PPP5C: variants seen among roughly 807,000 people sequenced by gnomAD.
The protein encoded by PPP5C is serine/threonine-protein phosphatase 5.
In PPP5C, 21 loss-of-function variants were observed where a neutral mutation model predicts 66.7. The ratio of observed to expected loss-of-function variants is 0.31; its 90% CI spans 0.22 to 0.45. The LOEUF is 0.45. Ranked by LOEUF, PPP5C falls within the 20% of genes least tolerant of loss-of-function variation. The pLI is 1.00. For missense variants in PPP5C, 464 were observed against 675.9 expected, an observed-to-expected ratio of 0.69 and a Z score of 3.48; for synonymous variants, 246 against 257.4, an observed-to-expected ratio of 0.96 and a Z score of 0.43.
chr19:46,358,919 T>G (rs1972333925), intron 2 of PPP5C, among the ~76,000 whole-genome samples: 1 of 152,192 alleles, frequency 6.6e-6, no homozygotes, highest in Admixed American at 6.5e-5. Context: ...GGGGATGAGT[T>G]TTTCTCAAGA....
chr19:46,347,135 G>GCCCCCCCGGGACGAA lies in PPP5C; in HGVS notation c.45_59dup (p.Arg16_Pro20dup), dbSNP rs1555791666. 6.9e-6 allele frequency: 11 copies of GCCCCCCCGGGACGAA among 1,604,700 alleles called. No individual in the cohort carries two copies. Among genetic ancestry groups the GCCCCCCCGGGACGAA allele is most frequent in the South Asian group, 2.2e-5 (2 of 89,596 alleles). The stretch of plus-strand genomic sequence containing the variant: ...AGGGCGAGAGGACTGAGTGTGCTGA[G>GCCCCCCCGGGACGAA]CCCCCCCGGGACGAACCCCCGGCTG... On this transcript the variant is annotated inframe_insertion, in exon 1 of 13. Transcript: ENST00000012443.
chr19:46,355,029 G>A (rs1316038617), intron 2 of PPP5C, among the ~76,000 whole-genome samples: 3 of 152,224 alleles, frequency 2.0e-5, no homozygotes, highest in South Asian at 2.1e-4. Flanking sequence ...ACCCTGGGAC[G>A]TGGGAACTGG....
rs1818028356 is a variant in PPP5C, at chr19:46,383,102, T to C, written c.634-309T>C. On this transcript the variant is annotated intron_variant, in intron 4 of 12. Transcript: ENST00000012443. The surrounding 1 kb of genome is among the most constrained non-coding windows in gnomAD (Gnocchi z 5.0). ...CGCTGTGTCCAGGCCAGTTCTTTTA[T>C]AAAATGTTCTACGATCTGGATTCAT... 1.6e-6 allele frequency: 2 copies of C among 1,239,338 alleles called. No individual in the cohort carries two copies. Among genetic ancestry groups the C allele is most frequent in the Non-Finnish European group, 2.1e-6 (2 of 960,238 alleles). The allele number at this position is 1,239,338 out of a possible 1,614,324, so 76.8% of individuals were successfully genotyped here.
chr19:46,370,352 G>A (rs758573523), intron 2 of PPP5C, among the ~76,000 whole-genome samples: 2 of 151,986 alleles, frequency 1.3e-5, no homozygotes, highest in African/African-American at 2.4e-5. Flanking sequence ...AGACACAAAC[G>A]CAGACATTAG....
chr19:46,358,907 C>T (rs961143062), intron 2 of PPP5C, among the ~76,000 whole-genome samples: 22 of 152,076 alleles, frequency 1.4e-4, no homozygotes, highest in Non-Finnish European at 2.8e-4. Flanking sequence ...TCAGTGGCTT[C>T]GGGGGATGAG....
intron 2 of PPP5C, among the ~76,000 whole-genome samples, chr19:46,372,244 C>T (rs924351154): frequency 1.3e-5 from 2 of 151,990 alleles, no homozygotes; most frequent in African/African-American, 4.8e-5. Context: ...CACTGTGTTA[C>T]CCAGGCTGGA....
intron 2 of PPP5C, among the ~76,000 whole-genome samples, chr19:46,366,188 C>T (rs544187742): frequency 5.5e-4 from 84 of 152,164 alleles, no homozygotes; most frequent in Middle Eastern, 3.4e-3. Context: ...AGCTCTGAAC[C>T]CTGCTCACAG....
At chr19:46,385,117 T>C (rs1972859917) in intron 7 of PPP5C, among the ~76,000 whole-genome samples, 1 of 152,194 alleles carries the variant, frequency 6.6e-6, no homozygotes, top group Admixed American at 6.5e-5. Context: ...GAAATGGATG[T>C]TTACTCTGAC....
chr19:46,383,238 G>GCCTCCGGCC lies in PPP5C; in HGVS notation c.634-170_634-162dup. On this transcript the variant is annotated intron_variant, in intron 4 of 12. Transcript: ENST00000012443. The surrounding 1 kb of genome is among the most constrained non-coding windows in gnomAD (Gnocchi z 5.0). ...GCACAGGCCACAGAAGCCTGCGGCTGCCTCCGGCCCCGCCTGCTCCCGCTC... is the reference window on the plus strand; with the variant it reads ...GCACAGGCCACAGAAGCCTGCGGCTGCCTCCGGCCCCTCCGGCCCCGCCTGCTCCCGCTC... 1 of 1,540,232 alleles carries GCCTCCGGCC rather than the reference G, an allele frequency of 6.5e-7. No homozygotes were observed. The highest frequency in any genetic ancestry group is 2.5e-5 in the East Asian group (1 of 40,776).
At position 46,388,264 on chromosome 19, in the gene PPP5C, C is replaced by T. The variant is rs941181343; in HGVS notation, c.1136-144C>T. On this transcript the variant is annotated intron_variant, in intron 9 of 12. Transcript: ENST00000012443. The surrounding 1 kb of genome is among the most constrained non-coding windows in gnomAD (Gnocchi z 4.9). Reference sequence around the variant, plus strand: ...ATCACAGTCACCTGTCCTGAATGTCCATGTCCATGCTGGATGTCCCCTGCC... The same window carrying T: ...ATCACAGTCACCTGTCCTGAATGTCTATGTCCATGCTGGATGTCCCCTGCC... 2 of 830,376 alleles carry T rather than the reference C, an allele frequency of 2.4e-6. No homozygotes were observed. The highest frequency in any genetic ancestry group is 3.4e-5 in the African/African-American group (2 of 58,078). 51.4% of individuals were successfully genotyped at this position (830,376 alleles called of 1,614,324 possible).
intron 1 of PPP5C, among the ~76,000 whole-genome samples, chr19:46,353,524 TG>T (rs1972227800): frequency 9.9e-6 from 1 of 101,148 alleles, no homozygotes; most frequent in African/African-American, 3.4e-5. Context: ...GCTGGAGGGG[TG>T]GGTGGGCGGG....
chr19:46,368,904 G>A (rs1283636770), intron 2 of PPP5C, among the ~76,000 whole-genome samples: 3 of 152,118 alleles, frequency 2.0e-5, no homozygotes, highest in Non-Finnish European at 2.9e-5. Context: ...TCTTGTTTAC[G>A]GGTAAAGTAG....
chr19:46,364,228 G>A (rs1972454075), intron 2 of PPP5C, among the ~76,000 whole-genome samples: 1 of 152,158 alleles, frequency 6.6e-6, no homozygotes, highest in African/African-American at 2.4e-5. Flanking sequence ...GTATGTGTGT[G>A]CATACATATG....
At chr19:46,373,632 T>C (rs1972635077) in intron 2 of PPP5C, among the ~76,000 whole-genome samples, 1 of 142,482 alleles carries the variant, frequency 7.0e-6, no homozygotes, top group Non-Finnish European at 1.5e-5. Flanking sequence ...CAGTCACTCA[T>C]TCATTTCTTT....
chr19:46,375,371 C>T (rs1271638639), intron 2 of PPP5C, among the ~76,000 whole-genome samples: 1 of 152,336 alleles, frequency 6.6e-6, no homozygotes, highest in Admixed American at 6.5e-5. Flanking sequence ...GATTTTAGCG[C>T]GCTCATAGCT....
chr19:46,387,204 C>T lies in PPP5C; in HGVS notation c.1016C>T (p.Pro339Leu). 2 of 1,614,222 alleles carry T rather than the reference C, an allele frequency of 1.2e-6. No homozygotes were observed. Among genetic ancestry groups the T allele is most frequent in the Non-Finnish European group, 1.7e-6 (2 of 1,180,046 alleles). The change falls in exon 8 of 13, where the codon CCG (proline) becomes CTG (leucine). Residue 339 changes from proline to leucine, a missense_variant. Coordinates refer to ENST00000012443, the MANE Select transcript of PPP5C (RefSeq NM_006247.4). The part of the protein sequence containing the change: ...ELFSEVFEWL[P>L]LAQCINGKVL... ...TTTAGCGAGGTGTTCGAGTGGCTCCCGTTGGCCCAGTGCATCAACGGCAAA... is the reference window on the plus strand; with the variant it reads ...TTTAGCGAGGTGTTCGAGTGGCTCCTGTTGGCCCAGTGCATCAACGGCAAA...
chr19:46,348,347 C>T (rs1178039661), intron 1 of PPP5C, among the ~76,000 whole-genome samples: 3 of 107,088 alleles, frequency 2.8e-5, no homozygotes, highest in African/African-American at 1.1e-4. Flanking sequence ...GAGTTTTGCT[C>T]TTTTTGCCCA....
intron 4 of PPP5C, among the ~76,000 whole-genome samples, chr19:46,377,942 C>G (rs564006204): frequency 6.6e-6 from 1 of 152,204 alleles, no homozygotes; most frequent in African/African-American, 2.4e-5. Context: ...CTGCTATGAA[C>G]TTCTTGGACA....
At chr19:46,374,150 G>T (rs1304470697) in intron 2 of PPP5C, among the ~76,000 whole-genome samples, 1 of 152,152 alleles carries the variant, frequency 6.6e-6, no homozygotes, top group Non-Finnish European at 1.5e-5. Flanking sequence ...GGTGCCCTAG[G>T]CCTGCCCAGA....
Sources: allele counts gnomAD v4.1 joint callset (sites outside exome capture counted in the v4.1 genomes callset), GRCh38; gene constraint gnomAD v4.1.1; non-coding constraint Gnocchi (gnomAD v3.1); transcripts MANE v1.5; gene names NCBI Gene and HGNC (gene_info 2026-07-23, HGNC 2026-07-21).